The following LAMA3 variants were observed in gnomAD, a reference collection of about 807,000 sequenced individuals.
The protein encoded by LAMA3 is laminin subunit alpha 3.
LAMA3 carries 281 observed loss-of-function variants against 402.0 expected under a neutral mutation model. The observed-to-expected ratio is 0.70, with a 90% CI of 0.63 to 0.77. LAMA3 has a LOEUF of 0.77. LAMA3 is among the 30% of genes least tolerant of loss of function. LAMA3 has a pLI of 0.00. For synonymous variants in LAMA3, 1,431 were observed against 1,558.4 expected (o/e 0.92, Z 1.93); for missense variants, 3,840 against 4,215.5 (o/e 0.91, Z 2.47).
chr18:23,718,266 A>G (rs2061145350), intron 2 of LAMA3, among the ~76,000 whole-genome samples: 1 of 151,964 alleles, frequency 6.6e-6, no homozygotes, highest in Non-Finnish European at 1.5e-5. Context: ...GTTCTATTCT[A>G]TGGGCTCCCT....
intron 30 of LAMA3, 129 bp from the exon 31 acceptor site, chr18:23,846,168 T>C: frequency 1.0e-6 from 1 of 959,496 alleles, no homozygotes; most frequent in Non-Finnish European, 1.7e-6. Flanking sequence ...TTCCCACTCT[T>C]CCCTGACTCC....
chr18:23,863,858 A>G (rs1357789749), intron 35 of LAMA3, among the ~76,000 whole-genome samples: 1 of 152,158 alleles, frequency 6.6e-6, no homozygotes, highest in Admixed American at 6.5e-5. Context: ...CAAGGTGTGA[A>G]GTAGCTGTCA....
chr18:23,898,218 A>G (rs2080942270), intron 44 of LAMA3: 1 of 165,504 alleles, frequency 6.0e-6, no homozygotes, highest in Admixed American at 5.7e-5. Flanking sequence ...GATGAGCTAT[A>G]CAACCGTGGA....
At chr18:23,896,776 C>T (rs1043884014) in intron 44 of LAMA3, among the ~76,000 whole-genome samples, 7 of 152,086 alleles carry the variant, frequency 4.6e-5, no homozygotes, top group East Asian at 1.9e-4. Context: ...ATACTCTCAA[C>T]GCCACTATGG....
intron 12 of LAMA3, among the ~76,000 whole-genome samples, chr18:23,800,049 G>A (rs1003798909): frequency 1.3e-5 from 2 of 152,180 alleles, no homozygotes; most frequent in African/African-American, 4.8e-5. Flanking sequence ...TGACATTTAG[G>A]CTGGCATTTG....
chr18:23,789,658 G>A (rs1235139456), intron 12 of LAMA3, among the ~76,000 whole-genome samples: 1 of 152,176 alleles, frequency 6.6e-6, no homozygotes. Flanking sequence ...GGGAGTGAAG[G>A]TAGTGGACAA....
chr18:23,805,425 T>A (rs1216091948), intron 12 of LAMA3, among the ~76,000 whole-genome samples: 1 of 152,186 alleles, frequency 6.6e-6, no homozygotes, highest in African/African-American at 2.4e-5. Context: ...TTGTACTATT[T>A]TCCTAGGTAG....
At chr18:23,914,617 CT>C in intron 57 of LAMA3, 56 bp downstream of exon 57, 1 of 1,607,094 alleles carries the variant, frequency 6.2e-7, no homozygotes, top group Non-Finnish European at 8.5e-7. Flanking sequence ...ATACATGTTG[CT>C]GAACCCCATT....
intron 1 of LAMA3, among the ~76,000 whole-genome samples, chr18:23,706,543 G>T (rs939563936): frequency 6.6e-6 from 1 of 152,140 alleles, no homozygotes; most frequent in African/African-American, 2.4e-5. Context: ...TAATGATGGT[G>T]ATGGTGAACA....
At chr18:23,800,552 T>A (rs2062848569) in intron 12 of LAMA3, among the ~76,000 whole-genome samples, 1 of 152,228 alleles carries the variant, frequency 6.6e-6, no homozygotes, top group Non-Finnish European at 1.5e-5. Flanking sequence ...CAAAATCCTC[T>A]CTTCTAGTTT....
intron 36 of LAMA3, 124 bp downstream of exon 36, chr18:23,865,007 C>T: frequency 5.5e-6 from 4 of 724,524 alleles, no homozygotes; most frequent in South Asian, 4.5e-5. Flanking sequence ...CAATATTTTG[C>T]AGAAACTAAA....
At position 23,876,376 on chromosome 18, in the gene LAMA3, A is replaced by G. The variant is rs760142110; in HGVS notation, c.5081A>G (p.Asn1694Ser). 32 of 1,613,552 alleles carry G rather than the reference A, an allele frequency of 2.0e-5. No individual in the cohort carries two copies. The South Asian group carries it at 3.5e-4, about 18-fold the overall frequency. ...CCCTGCAATTGCAACGGACATTCAA[A>G]TCAATGCCAGGATGGCTCAGGCATA... ...CVPCNCNGHS[N>S]QCQDGSGICV... The change falls in exon 39 of 75, where the codon AAT (asparagine) becomes AGT (serine). Residue 1694 changes from asparagine to serine, a missense_variant. Transcript: ENST00000313654.
chr18:23,820,271 G>A (rs1423491033), intron 19 of LAMA3, among the ~76,000 whole-genome samples: 2 of 152,184 alleles, frequency 1.3e-5, no homozygotes. Context: ...GAAAAATAGT[G>A]TTTATCTCTG....
chr18:23,910,593 T>C (rs2081395442), intron 55 of LAMA3, among the ~76,000 whole-genome samples: 1 of 152,174 alleles, frequency 6.6e-6, no homozygotes. Context: ...GTTATGTGTA[T>C]CTTCAAAACC....
At chr18:23,693,376 T>C (rs947092623) in intron 1 of LAMA3, among the ~76,000 whole-genome samples, 1 of 152,170 alleles carries the variant, frequency 6.6e-6, no homozygotes, top group Admixed American at 6.5e-5. Context: ...TATGTTTACA[T>C]ATGTAGTTAC....
chr18:23,807,292 C>T (rs2062980549), intron 12 of LAMA3, among the ~76,000 whole-genome samples: 1 of 152,122 alleles, frequency 6.6e-6, no homozygotes, highest in African/African-American at 2.4e-5. Flanking sequence ...GCCTGGGCAA[C>T]ATAGTGAGAC....
At chr18:23,914,361 T>C (rs775656532) in intron 56 of LAMA3, 49 bp from the exon 57 acceptor site, 23 of 1,609,780 alleles carry the variant, frequency 1.4e-5, no homozygotes, top group Admixed American at 1.7e-5. Context: ...GGGATGGGAA[T>C]TTGAGAAACC....
intron 58 of LAMA3, 96 bp from the exon 59 acceptor site, chr18:23,915,193 C>T (rs752860600): frequency 7.3e-6 from 10 of 1,361,046 alleles, no homozygotes; most frequent in Non-Finnish European, 1.0e-5. Flanking sequence ...CTTAATTAAC[C>T]CTTATGCCAT....
Position 23,914,479 on chromosome 18 carries a change from C to A in LAMA3, c.7399C>A (p.Arg2467Ser), listed in dbSNP as rs774159047. The change falls in exon 57 of 75, where the codon CGT (arginine) becomes AGT (serine). Residue 2467 changes from arginine (R) to serine (S), a missense_variant. Around this residue, in one of 3 missense-constraint regions of LAMA3, gnomAD observed 891 missense variants for 857.5 expected, o/e 1.04. Transcript: ENST00000313654. ...QLTCVYNLGD[R>S]EAELQVDQIL... ...CACCTGTGTCTACAACCTGGGGGAC[C>A]GTGAGGCTGAACTCCAAGTGGACCA... 1 of 1,613,874 alleles carries A rather than the reference C, an allele frequency of 6.2e-7. No homozygotes were observed. Among genetic ancestry groups the A allele is most frequent in the African/African-American group, 1.3e-5 (1 of 74,880 alleles).
Sources: allele counts gnomAD v4.1 joint callset (sites outside exome capture counted in the v4.1 genomes callset), GRCh38; gene constraint gnomAD v4.1.1; regional missense constraint gnomAD v4.1.1; transcripts MANE v1.5; gene names NCBI Gene and HGNC (gene_info 2026-07-23, HGNC 2026-07-21).